Variants in MRPL34 observed in about 807,000 individuals in gnomAD.
MRPL34 encodes the protein large ribosomal subunit protein bL34m.
MRPL34 carries 8 observed loss-of-function variants against 6.7 expected under a neutral mutation model. The ratio of observed to expected loss-of-function variants is 1.20; its 90% CI spans 0.70 to 2.16. The LOEUF (loss-of-function observed/expected upper bound fraction) is 2.16, where lower values mean the gene tolerates loss of function less well. Among genes scored for constraint, MRPL34 ranks in the 30% most tolerant of loss-of-function variants. The pLI, the probability that MRPL34 is intolerant of heterozygous loss-of-function variation, is 0.00. For missense variants in MRPL34, 146 were observed against 125.5 expected (o/e 1.16, Z -0.78); for synonymous variants, 59 against 55.1 (o/e 1.07, Z -0.31).
chr19:17,301,451 C>T (rs1431702798), upstream of MRPL34: 8 of 1,611,786 alleles, frequency 5.0e-6, no homozygotes, highest in Non-Finnish European at 6.8e-6. Context: ...GGAGGTGGGG[C>T]AGCGGCTGGG....
chr19:17,298,759 T>TTTG (rs56279352), upstream of MRPL34, among the ~76,000 whole-genome samples: 1 of 105,742 alleles, frequency 9.5e-6, no homozygotes, highest in African/African-American at 3.6e-5. Flanking sequence ...TTTTTTTTTT[T>TTTG]GGGCAGAGTC....
chr19:17,305,722 T>A (rs2074142693), upstream of MRPL34: 4 of 711,520 alleles, frequency 5.6e-6, no homozygotes, highest in Non-Finnish European at 9.9e-6. Context: ...GGATATAGAC[T>A]GGCGCGCCTC....
chr19:17,297,535 C>A (rs766510141), intron 1 of MRPL34, among the ~76,000 whole-genome samples: 1 of 152,078 alleles, frequency 6.6e-6, no homozygotes, highest in Non-Finnish European at 1.5e-5. Flanking sequence ...ACCTTGTGAT[C>A]CGCCTGCCTC....
chr19:17,301,829 T>C (rs1306459313), upstream of MRPL34, among the ~76,000 whole-genome samples: 2 of 151,924 alleles, frequency 1.3e-5, no homozygotes, highest in Non-Finnish European at 2.9e-5. Flanking sequence ...AGTCTCGCTT[T>C]GTCATCCAGG....
At chr19:17,300,678 A>G (rs180717315), upstream of MRPL34, among the ~76,000 whole-genome samples, 1,135 of 152,196 alleles carry the variant, frequency 7.5e-3, 6 homozygotes, top group African/African-American at 0.025. Flanking sequence ...GGGTTTCACC[A>G]CCTTGGCCAG....
At chr19:17,295,499 T>C (rs12978819) in intron 1 of MRPL34, among the ~76,000 whole-genome samples, 117,465 of 151,600 alleles carry the variant, frequency 0.77, 46,462 homozygotes, top group African/African-American at 0.82. Context: ...CTCTGCCTCC[T>C]GGGTTCAACT....
chr19:17,295,198 C>T (rs2074088581), intron 1 of MRPL34, among the ~76,000 whole-genome samples: 1 of 149,310 alleles, frequency 6.7e-6, no homozygotes, highest in Non-Finnish European at 1.5e-5. Context: ...CTCCGCTTCC[C>T]GGGTTCACGC....
chr19:17,294,408 G>T, intron 1 of MRPL34: 2 of 1,614,074 alleles, frequency 1.2e-6, no homozygotes, highest in Non-Finnish European at 1.7e-6. Flanking sequence ...AGTACTGGCC[G>T]CTCATCATGG....
upstream of MRPL34, among the ~76,000 whole-genome samples, chr19:17,300,152 C>A (rs1014554108): frequency 6.6e-6 from 1 of 151,176 alleles, no homozygotes; most frequent in Non-Finnish European, 1.5e-5. Context: ...GATCCGCCCG[C>A]CTCAGCCTCC....
At chr19:17,294,912 C>A in intron 1 of MRPL34, 1 of 1,557,348 alleles carries the variant, frequency 6.4e-7, no homozygotes, top group Non-Finnish European at 8.8e-7. Flanking sequence ...AAGCAGTGAC[C>A]ATTTTGTTTT....
chr19:17,292,815 A>G, exon 1 of MRPL34: 1 of 1,612,738 alleles, frequency 6.2e-7, no homozygotes, highest in Non-Finnish European at 8.5e-7. Context: ...GAGCTTCAGG[A>G]ATGCCAGGAG....
upstream of MRPL34, chr19:17,301,464 G>A (rs540209346): frequency 2.5e-6 from 4 of 1,611,636 alleles, no homozygotes; most frequent in South Asian, 1.1e-5. Context: ...CGGCTGGGGC[G>A]GGTCCTGCAT....
upstream of MRPL34, chr19:17,301,096 G>C: frequency 6.2e-7 from 1 of 1,613,364 alleles, no homozygotes; most frequent in South Asian, 1.1e-5. Flanking sequence ...CACCACGTCG[G>C]CCTGGGCGCC....
chr19:17,303,997 G>A (rs942128244), upstream of MRPL34, among the ~76,000 whole-genome samples: 1 of 150,656 alleles, frequency 6.6e-6, no homozygotes, highest in Non-Finnish European at 1.5e-5. Context: ...ACGAGGTCTC[G>A]CTATCTTGCC....
chr19:17,306,194 T>A lies in MRPL34; in HGVS notation c.94T>A (p.Phe32Ile). Residue 32 changes from phenylalanine (F) to isoleucine (I), a missense_variant, in exon 2 of 2, where the codon TTC (phenylalanine) becomes ATC (isoleucine). Transcript: ENST00000252602. Reference protein sequence around the residue: ...RWLQPRAWLGFPDAWGLPTPQ... With the variant: ...RWLQPRAWLGIPDAWGLPTPQ... ...GCTCCAGCCCCGGGCCTGGCTGGGG[T>A]TCCCAGACGCCTGGGGCCTCCCCAC... is the stretch of plus-strand genomic sequence containing the variant. The A allele has an allele frequency of 6.5e-7, 1 of 1,542,806 alleles. No individual in the cohort carries two copies. Among genetic ancestry groups the A allele is most frequent in the Non-Finnish European group, 8.7e-7 (1 of 1,145,796 alleles).
At chr19:17,301,807 TG>T (rs1206833880), upstream of MRPL34, among the ~76,000 whole-genome samples, 6 of 149,986 alleles carry the variant, frequency 4.0e-5, no homozygotes, top group Non-Finnish European at 8.9e-5. Context: ...TGTGTGTGTG[TG>T]TTTTTGAGAC....
intron 1 of MRPL34, among the ~76,000 whole-genome samples, chr19:17,293,470 TGGGCGGGGAAG>T (rs1247939937): frequency 1.7e-4 from 3 of 17,194 alleles, no homozygotes; most frequent in Non-Finnish European, 2.4e-4. Flanking sequence ...GGGGCGGGGG[TGGGCGGGGAAG>T]GGGCGGGTAG....
Position 17,305,879 on chromosome 19 carries a change from G to C in MRPL34, c.-14G>C, listed in dbSNP as rs377747440. The C allele has an allele frequency of 3.1e-6, 5 of 1,613,894 alleles. No individual in the cohort carries two copies. Among genetic ancestry groups the C allele is most frequent in the East Asian group, 4.5e-5 (2 of 44,864 alleles). The stretch of plus-strand genomic sequence containing the variant: ...GAATCGCCCGCAGCCGGTACTGCGG[G>C]ACCCACTGCGGATATGGCTGTCTTG... On this transcript the variant is annotated 5_prime_UTR_variant, in exon 1 of 2. Transcript: ENST00000252602.
At chr19:17,297,375 A>C (rs1324477035) in intron 1 of MRPL34, among the ~76,000 whole-genome samples, 1 of 151,936 alleles carries the variant, frequency 6.6e-6, no homozygotes, top group Non-Finnish European at 1.5e-5. Context: ...GGCTCACTGC[A>C]ACCCCCACCT....
Sources: allele counts gnomAD v4.1 joint callset (sites outside exome capture counted in the v4.1 genomes callset), GRCh38; gene constraint gnomAD v4.1.1; transcripts MANE v1.5; gene names NCBI Gene and HGNC (gene_info 2026-07-23, HGNC 2026-07-21).